SPATA16: variants seen among roughly 807,000 people sequenced by gnomAD.
The protein encoded by SPATA16 is spermatogenesis-associated protein 16.
SPATA16 carries 36 observed loss-of-function variants against 63.3 expected under a neutral mutation model. That is an observed-to-expected ratio of 0.57 (90% CI 0.44 to 0.75). The LOEUF (loss-of-function observed/expected upper bound fraction) is 0.75. Among genes scored for constraint, SPATA16 ranks in the 30% least tolerant of loss-of-function variants. The pLI is 0.00. For missense variants in SPATA16, 646 were observed against 679.3 expected, an observed-to-expected ratio of 0.95 and a Z score of 0.54; for synonymous variants, 203 against 216.7, an observed-to-expected ratio of 0.94 and a Z score of 0.56.
At chr3:173,062,646 A>G (rs1736408476) in intron 2 of SPATA16, among the ~76,000 whole-genome samples, 1 of 152,156 alleles carries the variant, frequency 6.6e-6, no homozygotes, top group African/African-American at 2.4e-5. Context: ...TTTAGATCCT[A>G]TGTCCTCTAG....
chr3:172,922,602 C>G (rs1181685407), intron 8 of SPATA16, among the ~76,000 whole-genome samples: 1 of 152,144 alleles, frequency 6.6e-6, no homozygotes, highest in Non-Finnish European at 1.5e-5. Flanking sequence ...TGACAAGTGA[C>G]AAGGTAAGGC....
chr3:173,009,893 T>TG (rs1425917385), intron 4 of SPATA16, among the ~76,000 whole-genome samples: 1 of 152,246 alleles, frequency 6.6e-6, no homozygotes, highest in African/African-American at 2.4e-5. Flanking sequence ...CGGAATTTCT[T>TG]GGGGCTTAAA....
chr3:173,071,650 A>ATCTGAG (rs1163078736), intron 2 of SPATA16, among the ~76,000 whole-genome samples: 5 of 152,200 alleles, frequency 3.3e-5, no homozygotes. Context: ...TGGGCAAAAG[A>ATCTGAG]TCTGAGACAT....
At chr3:173,059,085 C>G (rs1056036126) in intron 2 of SPATA16, among the ~76,000 whole-genome samples, 1 of 151,994 alleles carries the variant, frequency 6.6e-6, no homozygotes, top group Non-Finnish European at 1.5e-5. Context: ...ATTCAGAATG[C>G]CTGTGTGCTA....
At chr3:173,027,462 GTTGTT>G (rs1236487937) in intron 3 of SPATA16, among the ~76,000 whole-genome samples, 2 of 151,872 alleles carry the variant, frequency 1.3e-5, no homozygotes, top group Non-Finnish European at 1.5e-5. Flanking sequence ...TGTTGTTGCT[GTTGTT>G]TTGTTTTGTT....
intron 2 of SPATA16, among the ~76,000 whole-genome samples, chr3:173,101,343 T>G (rs1325060057): frequency 6.6e-6 from 1 of 152,198 alleles, no homozygotes; most frequent in African/African-American, 2.4e-5. Context: ...TACAGGGCAA[T>G]GTAAACAAAT....
At chr3:172,976,286 G>A (rs1441409767) in intron 5 of SPATA16, among the ~76,000 whole-genome samples, 2 of 152,054 alleles carry the variant, frequency 1.3e-5, no homozygotes, top group Non-Finnish European at 1.5e-5. Context: ...TTATTTTTGT[G>A]GGGGTTAAGT....
intron 4 of SPATA16, among the ~76,000 whole-genome samples, chr3:172,978,963 C>T (rs1734231294): frequency 6.6e-6 from 1 of 152,176 alleles, no homozygotes; most frequent in African/African-American, 2.4e-5. Context: ...GCTGGCCGGG[C>T]GCGTTGGCTC....
chr3:173,140,124 A>G (rs934105089), intron 1 of SPATA16, among the ~76,000 whole-genome samples: 4 of 152,184 alleles, frequency 2.6e-5, no homozygotes, highest in African/African-American at 9.7e-5. Context: ...GTCATAATCA[A>G]TTTCCAAGGT....
chr3:173,082,707 C>T (rs563437479), intron 2 of SPATA16, among the ~76,000 whole-genome samples: 210 of 152,314 alleles, frequency 1.4e-3, no homozygotes, highest in Non-Finnish European at 2.2e-3. Context: ...GATATCCCCT[C>T]ACCCCGTGTG....
intron 10 of SPATA16, among the ~76,000 whole-genome samples, chr3:172,910,607 T>G (rs1305054872): frequency 6.6e-6 from 1 of 151,986 alleles, no homozygotes; most frequent in African/African-American, 2.4e-5. Context: ...AAACAACTAT[T>G]TCTATAGCCA....
At chr3:172,910,920 G>A (rs1732358649) in intron 10 of SPATA16, among the ~76,000 whole-genome samples, 1 of 152,240 alleles carries the variant, frequency 6.6e-6, no homozygotes, top group African/African-American at 2.4e-5. Flanking sequence ...GAACATAGGT[G>A]CACTTTCGTG....
chr3:173,015,450 G>A (rs1735160682), intron 4 of SPATA16, among the ~76,000 whole-genome samples: 1 of 152,112 alleles, frequency 6.6e-6, no homozygotes, highest in Non-Finnish European at 1.5e-5. Context: ...CTTACACAAT[G>A]TGGTTTTAAA....
Position 173,019,630 on chromosome 3 carries a change from C to A in SPATA16, c.759-55G>T, listed in dbSNP as rs148098864. The A allele has an allele frequency of 2.0e-3, 2,937 of 1,482,828 alleles. 57 individuals carry two copies. In the African/African-American group the frequency reaches 0.035, roughly 18 times the overall value. 91.9% of individuals were successfully genotyped at this position (1,482,828 alleles called of 1,614,324 possible). A position where few individuals can be genotyped will look rare whatever the true frequency, so the allele number is the denominator to read the frequency against. On this transcript the variant is annotated intron_variant, in intron 3 of 10. Transcript: ENST00000351008. ...TATTTGGGTTTTAAAAGACAATTAC[C>A]ACAAGTGCAATGGAATGAAATCACA...
chr3:173,090,264 C>T (rs1737191139), intron 2 of SPATA16, among the ~76,000 whole-genome samples: 1 of 152,134 alleles, frequency 6.6e-6, no homozygotes, highest in South Asian at 2.1e-4. Context: ...TCCCTCACCC[C>T]ACCCTACTCC....
chr3:172,895,682 A>G (rs1240769249), intron 10 of SPATA16, among the ~76,000 whole-genome samples: 1 of 152,174 alleles, frequency 6.6e-6, no homozygotes, highest in Non-Finnish European at 1.5e-5. Context: ...GTTTATCTAA[A>G]TGGAATCATA....
intron 6 of SPATA16, among the ~76,000 whole-genome samples, chr3:172,937,934 T>C (rs1733047795): frequency 6.6e-6 from 1 of 152,040 alleles, no homozygotes; most frequent in Non-Finnish European, 1.5e-5. Context: ...GTGAACTAAA[T>C]AAAAGTGACT....
intron 6 of SPATA16, among the ~76,000 whole-genome samples, chr3:172,941,420 C>G (rs1733144328): frequency 6.6e-6 from 1 of 152,094 alleles, no homozygotes; most frequent in South Asian, 2.1e-4. Flanking sequence ...AACTGTAGAA[C>G]TTCAAATGAA....
chr3:172,979,537 AC>A (rs1359417943), intron 4 of SPATA16, among the ~76,000 whole-genome samples: 1 of 152,190 alleles, frequency 6.6e-6, no homozygotes, highest in Non-Finnish European at 1.5e-5. Flanking sequence ...GAGGTAGATC[AC>A]CCCAGTGGGT....
Sources: gnomAD v4.1 joint callset for allele counts (sites outside exome capture counted in the v4.1 genomes callset) on GRCh38, gnomAD v4.1.1 for gene constraint, MANE v1.5 for transcripts, NCBI Gene and HGNC (gene_info 2026-07-23, HGNC 2026-07-21) for gene names.